PDS5A: variants seen among roughly 807,000 people sequenced by gnomAD.
The protein encoded by PDS5A is sister chromatid cohesion protein PDS5 homolog A.
A neutral mutation model predicts 167.1 loss-of-function variants in PDS5A; 42 were observed. The ratio of observed to expected loss-of-function variants is 0.25; its 90% confidence interval spans 0.20 to 0.33. The LOEUF (loss-of-function observed/expected upper bound fraction) is 0.33. Among genes scored for constraint, PDS5A ranks in the 10% least tolerant of loss-of-function variants. The pLI is 1.00. For missense variants in PDS5A, 1,033 were observed against 1,605.9 expected (o/e 0.64, Z 6.10); for synonymous variants, 553 against 554.6 (o/e 1.00, Z 0.04).
Position 39,824,931 on chromosome 4 carries a change from T to A in PDS5A, c.*554A>T, listed in dbSNP as rs898163940. 5.2e-5 allele frequency: 8 copies of A among 152,722 alleles called. No homozygotes were observed. Among genetic ancestry groups the A allele is most frequent in the African/African-American group, 1.4e-4 (6 of 41,568 alleles). The allele number at this position is 152,722 out of a possible 1,614,324, so 9.5% of individuals were successfully genotyped here. ...TGTACATCTCATTTTTGCAGAAAAGTAGGCAGGCAGAAAGAATTATACATA... is the reference window on the plus strand; with the variant it reads ...TGTACATCTCATTTTTGCAGAAAAGAAGGCAGGCAGAAAGAATTATACATA... On this transcript the variant is annotated 3_prime_UTR_variant, in exon 33 of 33. Coordinates refer to ENST00000303538, the MANE Select transcript of PDS5A (RefSeq NM_001100399.2).
intron 2 of PDS5A, among the ~76,000 whole-genome samples, chr4:39,968,330 G>A (rs1359783993): frequency 6.7e-6 from 1 of 149,630 alleles, no homozygotes. Context: ...TATATGGGAG[G>A]ATGGCTATTT....
chr4:39,963,561 G>A (rs1319126200), intron 2 of PDS5A, among the ~76,000 whole-genome samples: 1 of 151,802 alleles, frequency 6.6e-6, no homozygotes, highest in African/African-American at 2.4e-5. Context: ...GAAATAAACG[G>A]TTGACTGGGC....
intron 26 of PDS5A, among the ~76,000 whole-genome samples, chr4:39,860,868 G>A (rs1221385040): frequency 6.6e-6 from 1 of 151,872 alleles, no homozygotes; most frequent in African/African-American, 2.4e-5. Flanking sequence ...CCACGAGTTT[G>A]AGACCAGCCT....
intron 16 of PDS5A, among the ~76,000 whole-genome samples, chr4:39,892,013 A>G (rs1722015482): frequency 6.6e-6 from 1 of 152,194 alleles, no homozygotes; most frequent in Non-Finnish European, 1.5e-5. Flanking sequence ...CAGGAGGCTG[A>G]GGTGGGGGGG....
chr4:39,907,079 C>T (rs1385218167), intron 11 of PDS5A, among the ~76,000 whole-genome samples: 1 of 152,004 alleles, frequency 6.6e-6, no homozygotes, highest in Non-Finnish European at 1.5e-5. Flanking sequence ...CATACAGTTT[C>T]AGTTAGGAAG....
intron 1 of PDS5A, among the ~76,000 whole-genome samples, chr4:39,976,934 C>A (rs1312840927): frequency 6.6e-6 from 1 of 152,212 alleles, no homozygotes; most frequent in Non-Finnish European, 1.5e-5. Flanking sequence ...CCCCGGGAGG[C>A]CGGCAAGGAC....
intron 11 of PDS5A, among the ~76,000 whole-genome samples, chr4:39,905,147 GTGAATCTAGGAGT>G (rs1242377257): frequency 9.2e-5 from 14 of 152,236 alleles, no homozygotes; most frequent in African/African-American, 3.1e-4. Flanking sequence ...TAAAATTGTA[GTGAATCTAGGAGT>G]TGAGCTGGCT....
intron 11 of PDS5A, 149 bp downstream of exon 11, chr4:39,908,246 C>T: frequency 1.4e-6 from 1 of 710,740 alleles, no homozygotes; most frequent in Admixed American, 2.4e-5. Flanking sequence ...AAAAGATATG[C>T]AGGAAACATA....
intron 9 of PDS5A, among the ~76,000 whole-genome samples, chr4:39,912,594 T>C (rs1723988651): frequency 1.3e-5 from 2 of 152,208 alleles, no homozygotes; most frequent in South Asian, 4.1e-4. Flanking sequence ...AGAACTATTA[T>C]GGTGAATTTA....
At chr4:39,957,614 T>C (rs934936672) in intron 2 of PDS5A, among the ~76,000 whole-genome samples, 2 of 151,754 alleles carry the variant, frequency 1.3e-5, no homozygotes, top group South Asian at 4.2e-4. Context: ...TGAAACCCCA[T>C]CTCTACTAAA....
intron 28 of PDS5A, 86 bp downstream of exon 28, chr4:39,848,765 C>T: frequency 8.2e-7 from 1 of 1,219,904 alleles, no homozygotes; most frequent in African/African-American, 1.5e-5. Flanking sequence ...GTGGTCAAGA[C>T]AATTCAATAT....
rs1342049275 is a variant in PDS5A at position 39,911,746 on chromosome 4, G to C, written c.993-1408C>G. ...GTTTGGGAGGCTGAGGCAGGAGAAT[G>C]GCATGAACCCGGGAGGCGAAGCTTG... On this transcript the variant is annotated intron_variant, in intron 9 of 32. Transcript: ENST00000303538. Among the ~76,000 whole-genome samples the C allele has an allele frequency of 9.3e-5, 14 of 150,322 alleles. 1 individual carries two copies. The Admixed American group carries it at 9.3e-4, about 10-fold the overall frequency.
At position 39,825,159 on chromosome 4, in the gene PDS5A, G is replaced by A. The variant is rs1169753296; in HGVS notation, c.*326C>T. Reference sequence around the variant, plus strand: ...AGCGTGGAAATTAATGGTGTATTACGCATTTAAACTCCAGATAGGCAGGAA... The same window carrying A: ...AGCGTGGAAATTAATGGTGTATTACACATTTAAACTCCAGATAGGCAGGAA... On this transcript the variant is annotated 3_prime_UTR_variant, in exon 33 of 33. Coordinates refer to ENST00000303538, the MANE Select transcript of PDS5A (RefSeq NM_001100399.2). 1.6e-5 allele frequency: 4 copies of A among 249,582 alleles called. No homozygotes were observed. The highest frequency in any genetic ancestry group is 1.1e-4 in the Admixed American group (2 of 18,448). 15.5% of individuals were successfully genotyped at this position (249,582 alleles called of 1,614,324 possible).
intron 2 of PDS5A, among the ~76,000 whole-genome samples, chr4:39,931,302 G>A (rs1726038661): frequency 6.6e-6 from 1 of 151,598 alleles, no homozygotes; most frequent in Non-Finnish European, 1.5e-5. Flanking sequence ...GCCATATGGT[G>A]CCCAGGCTAA....
At chr4:39,857,775 G>A (rs1296857677) in intron 26 of PDS5A, among the ~76,000 whole-genome samples, 1 of 151,914 alleles carries the variant, frequency 6.6e-6, no homozygotes, top group Non-Finnish European at 1.5e-5. Flanking sequence ...AGAACTGAAG[G>A]GAGAAATAGT....
At chr4:39,952,308 G>A (rs934796368) in intron 2 of PDS5A, among the ~76,000 whole-genome samples, 3 of 152,180 alleles carry the variant, frequency 2.0e-5, no homozygotes, top group Non-Finnish European at 2.9e-5. Flanking sequence ...TCCAGTATGG[G>A]CCACAGAGTG....
intron 2 of PDS5A, among the ~76,000 whole-genome samples, chr4:39,945,247 TC>T (rs1727636601): frequency 6.6e-6 from 1 of 151,600 alleles, no homozygotes; most frequent in African/African-American, 2.4e-5. Flanking sequence ...GATCATGAGG[TC>T]AGGAGATCGA....
At chr4:39,929,748 A>G (rs1476844338) in intron 2 of PDS5A, among the ~76,000 whole-genome samples, 1 of 149,702 alleles carries the variant, frequency 6.7e-6, no homozygotes, top group African/African-American at 2.5e-5. Context: ...AAATTTTATT[A>G]TTATTATTTT....
At chr4:39,958,379 C>T (rs923010000) in intron 2 of PDS5A, among the ~76,000 whole-genome samples, 2 of 150,990 alleles carry the variant, frequency 1.3e-5, no homozygotes, top group African/African-American at 2.4e-5. Context: ...TGGTGGTGTG[C>T]GCCTGTAGTA....
Sources: allele counts gnomAD v4.1 joint callset (sites outside exome capture counted in the v4.1 genomes callset), GRCh38; gene constraint gnomAD v4.1.1; transcripts MANE v1.5; gene names NCBI Gene and HGNC (gene_info 2026-07-23, HGNC 2026-07-21).